MEP1A: variants seen among roughly 807,000 people sequenced by gnomAD.
The protein encoded by MEP1A is N-benzoyl-L-tyrosyl-P-amino-benzoic acid hydrolase subunit alpha.
In MEP1A, 68 loss-of-function variants were observed where a neutral mutation model predicts 84.5. The observed-to-expected ratio is 0.80, with a 90% confidence interval of 0.66 to 0.98. MEP1A has a LOEUF of 0.98. MEP1A is among the 50% of genes least tolerant of loss of function. MEP1A has a pLI of 0.00. For synonymous variants in MEP1A, 337 were observed against 336.8 expected, an observed-to-expected ratio of 1.00 and a Z score of -0.01; for missense variants, 887 against 919.9, an observed-to-expected ratio of 0.96 and a Z score of 0.46.
Position 46,833,351 on chromosome 6 carries a change from T to C in MEP1A, c.1422T>C (p.Asn474=). The C allele has an allele frequency of 1.2e-6, 2 of 1,614,190 alleles. No individual in the cohort carries two copies. The highest frequency in any genetic ancestry group is 1.1e-5 in the South Asian group (1 of 91,082). The change falls in exon 11 of 14, where the codon AAT becomes AAC. Residue 474 remains asparagine (N), a synonymous_variant. Transcript: ENST00000230588. The part of the protein sequence containing the change: ...GYGFGVTLYP[N]SRESSGYLRL... ...GTTTTGGGGTAACTTTATACCCAAA[T>C]AGCAGAGAAAGCTCTGGTTACTTGA... is the stretch of plus-strand genomic sequence containing the variant.
At chr6:46,812,788 T>C (rs1767536353) in intron 6 of MEP1A, among the ~76,000 whole-genome samples, 1 of 152,132 alleles carries the variant, frequency 6.6e-6, no homozygotes, top group Non-Finnish European at 1.5e-5. Context: ...AGGGTTCTTT[T>C]TGGAGTGATT....
chr6:46,806,941 A>C (rs139326460), intron 5 of MEP1A, among the ~76,000 whole-genome samples: 2 of 152,028 alleles, frequency 1.3e-5, no homozygotes, highest in African/African-American at 4.8e-5. Flanking sequence ...AAAGTCCTCC[A>C]GTTTCTGCCT....
intron 7 of MEP1A, among the ~76,000 whole-genome samples, chr6:46,822,798 G>A (rs1366680293): frequency 6.6e-6 from 1 of 152,174 alleles, no homozygotes; most frequent in Non-Finnish European, 1.5e-5. Context: ...ACCTGCCTCA[G>A]CCTCCCAAAG....
the MEP1A span, among the ~76,000 whole-genome samples, chr6:46,844,910 C>A: frequency 6.9e-6 from 1 of 144,094 alleles, no homozygotes; most frequent in Middle Eastern, 3.5e-3. Flanking sequence ...GGTGGTTTCC[C>A]CCATGCTGTT....
chr6:46,818,885 G>T (rs903791758), intron 6 of MEP1A, among the ~76,000 whole-genome samples: 8 of 152,120 alleles, frequency 5.3e-5, no homozygotes, highest in Non-Finnish European at 7.4e-5. Context: ...TAGCATTTTG[G>T]GAGGTCAAGG....
At chr6:46,810,620 A>C (rs1767475240) in intron 6 of MEP1A, among the ~76,000 whole-genome samples, 1 of 152,078 alleles carries the variant, frequency 6.6e-6, no homozygotes, top group Non-Finnish European at 1.5e-5. Flanking sequence ...TAAGTCTTTG[A>C]TCCATCTTGA....
intron 3 of MEP1A, among the ~76,000 whole-genome samples, chr6:46,797,788 CTTTCTCTTTCTTTCTT>C (rs1359591320): frequency 1.5e-5 from 2 of 135,596 alleles, no homozygotes; most frequent in African/African-American, 6.3e-5. Flanking sequence ...TTCTTTCTTT[CTTTCTCTTTCTTTCTT>C]TCTTTCTTTC....
In MEP1A at chr6:46,835,106, T is replaced by A. The variant is rs903159564; in HGVS notation, c.1784-143T>A. 26 of 704,554 alleles carry A rather than the reference T, an allele frequency of 3.7e-5. No homozygotes were observed. In the Admixed American group the frequency reaches 7.2e-4, roughly 20 times the overall value. The allele number at this position is 704,554 out of a possible 1,614,324, so 43.6% of individuals were successfully genotyped here. ...ATAAAAGTAGCTAATACTGTGGGAA[T>A]CAGCTGGATTCAAAGCCACTTTTCC... On this transcript the variant is annotated intron_variant, in intron 12 of 13. Transcript: ENST00000230588.
downstream of MEP1A, among the ~76,000 whole-genome samples, chr6:46,840,892 A>T (rs1279112347): frequency 1.3e-5 from 2 of 152,236 alleles, no homozygotes; most frequent in Non-Finnish European, 2.9e-5. Context: ...TGTGCTTCAC[A>T]GTCCTGCAAA....
chr6:46,806,255 C>T (rs1767316284), intron 5 of MEP1A, among the ~76,000 whole-genome samples: 1 of 151,996 alleles, frequency 6.6e-6, no homozygotes, highest in African/African-American at 2.4e-5. Flanking sequence ...TGTTCCTTCA[C>T]AGGTCTCATA....
chr6:46,828,236 G>GTTTT (rs373814374), intron 9 of MEP1A, among the ~76,000 whole-genome samples: 2 of 142,646 alleles, frequency 1.4e-5, no homozygotes, highest in Admixed American at 1.4e-4. Flanking sequence ...CTTGTGCGCT[G>GTTTT]TTTTTTTTTT....
At chr6:46,812,572 G>C (rs1413521957) in intron 6 of MEP1A, among the ~76,000 whole-genome samples, 1 of 151,842 alleles carries the variant, frequency 6.6e-6, no homozygotes, top group Non-Finnish European at 1.5e-5. Context: ...TTGTCTATTT[G>C]TGCTCTTTCA....
rs1315580333 is a variant in MEP1A, at chr6:46,835,290, A to G, written c.1825A>G (p.Lys609Glu). ...CCAGACTGAAGTTCCCACTAAAGGC[A>G]AAAGACTGAGCCCCCAAGGCCTCAT... is the stretch of plus-strand genomic sequence containing the variant. ...LSQTEVPTKG[K>E]RLSPQGLILQ... The change falls in exon 13 of 14, where the codon AAA becomes GAA. Residue 609 changes from lysine (K) to glutamate (E), a missense_variant. Coordinates refer to ENST00000230588, the MANE Select transcript of MEP1A (RefSeq NM_005588.3). 2 of 1,604,650 alleles carry G rather than the reference A, an allele frequency of 1.2e-6. No individual in the cohort carries two copies. Among genetic ancestry groups the G allele is most frequent in the South Asian group, 2.2e-5 (2 of 89,200 alleles).
At chr6:46,845,040 T>A in the MEP1A span, among the ~76,000 whole-genome samples, 1 of 152,190 alleles carries the variant, frequency 6.6e-6, no homozygotes, top group Non-Finnish European at 1.5e-5. Context: ...CCCTTTGCCT[T>A]CCACTGTGAT....
chr6:46,802,411 TA>T (rs1301478024), intron 5 of MEP1A, among the ~76,000 whole-genome samples: 4 of 151,972 alleles, frequency 2.6e-5, no homozygotes, highest in Non-Finnish European at 5.9e-5. Context: ...TGGATTTTTA[TA>T]TATTGATTTT....
intron 6 of MEP1A, among the ~76,000 whole-genome samples, chr6:46,814,227 G>T (rs1286179954): frequency 6.6e-6 from 1 of 152,022 alleles, no homozygotes; most frequent in Non-Finnish European, 1.5e-5. Flanking sequence ...AAACTTCTTC[G>T]AAGCTTTGTT....
At chr6:46,824,604 A>C (rs903619887) in intron 7 of MEP1A, among the ~76,000 whole-genome samples, 1 of 135,538 alleles carries the variant, frequency 7.4e-6, no homozygotes, top group Non-Finnish European at 1.5e-5. Flanking sequence ...TATTAAATAG[A>C]TGTATTTAAA....
intron 7 of MEP1A, among the ~76,000 whole-genome samples, chr6:46,824,794 A>ATT (rs1562113475): frequency 0.028 from 2,391 of 84,366 alleles, 111 homozygotes; most frequent in Admixed American, 0.039. Context: ...GATGTATTTA[A>ATT]ATATATATAA....
At chr6:46,802,754 A>C (rs1025774470) in intron 5 of MEP1A, among the ~76,000 whole-genome samples, 1 of 151,830 alleles carries the variant, frequency 6.6e-6, no homozygotes, top group East Asian at 1.9e-4. Context: ...TAGTTGTTAC[A>C]GTGTATCAAA....
Sources: gnomAD v4.1 joint callset for allele counts (sites outside exome capture counted in the v4.1 genomes callset) on GRCh38, gnomAD v4.1.1 for gene constraint, MANE v1.5 for transcripts, NCBI Gene and HGNC (gene_info 2026-07-23, HGNC 2026-07-21) for gene names.